CLEC9A: variants seen among roughly 807,000 people sequenced by gnomAD.
CLEC9A encodes the protein C-type lectin domain containing 9A, also known as C-type lectin domain family 9 member A.
A neutral mutation model predicts 30.0 loss-of-function variants in CLEC9A; 24 were observed. The ratio of observed to expected loss-of-function variants is 0.80; its 90% CI spans 0.58 to 1.13. The LOEUF (loss-of-function observed/expected upper bound fraction) is 1.13, where lower values mean the gene tolerates loss of function less well. Among genes scored for constraint, CLEC9A ranks in the 50% most tolerant of loss-of-function variants. CLEC9A has a pLI of 0.00. For synonymous variants in CLEC9A, 111 were observed against 96.8 expected, an observed-to-expected ratio of 1.15 and a Z score of -0.86; for missense variants, 251 against 280.9, an observed-to-expected ratio of 0.89 and a Z score of 0.76.
intron 1 of CLEC9A, among the ~76,000 whole-genome samples, chr12:10,032,023 G>A (rs904242865): frequency 3.3e-5 from 5 of 152,208 alleles, no homozygotes; most frequent in African/African-American, 9.6e-5. Flanking sequence ...CATACCTTAG[G>A]AGGGAATTGC....
In CLEC9A at chr12:10,033,327, GA is replaced by G. The variant is rs574911193; in HGVS notation, c.-318+2357del. On this transcript the variant is annotated intron_variant, in intron 1 of 8. Coordinates refer to ENST00000355819, the MANE Select transcript of CLEC9A (RefSeq NM_207345.4). ...TGAACTAAATTGGATAGTACCCATA[GA>G]ATGGCCAGAATGGGAATTAATCTCT... Among the ~76,000 whole-genome samples the G allele has an allele frequency of 7.2e-4, 109 of 152,044 alleles. 1 individual carries two copies. Among genetic ancestry groups the G allele is most frequent in the African/African-American group, 2.6e-3 (107 of 41,434 alleles).
chr12:10,042,468 C>T (rs557840956), intron 2 of CLEC9A, among the ~76,000 whole-genome samples: 1 of 152,260 alleles, frequency 6.6e-6, no homozygotes, highest in Admixed American at 6.5e-5. Flanking sequence ...TTTAATTTTC[C>T]TACTCATATA....
chr12:10,032,009 A>C (rs1489606739), intron 1 of CLEC9A, among the ~76,000 whole-genome samples: 3 of 152,138 alleles, frequency 2.0e-5, no homozygotes, highest in Non-Finnish European at 4.4e-5. Flanking sequence ...CAGATGCTCA[A>C]TGTCATACCT....
In CLEC9A at chr12:10,052,007, G is replaced by A. The variant is rs567631272; in HGVS notation, c.-146G>A. The A allele has an allele frequency of 6.6e-6, 1 of 152,286 alleles. No individual in the cohort carries two copies. The highest frequency in any genetic ancestry group is 1.5e-5 in the Non-Finnish European group (1 of 68,026). 9.4% of individuals were successfully genotyped at this position (152,286 alleles called of 1,614,324 possible). A position where few individuals can be genotyped will look rare whatever the true frequency, so the allele number is the denominator to read the frequency against. On this transcript the variant is annotated 5_prime_UTR_variant, in exon 3 of 9. Transcript: ENST00000355819. Reference sequence around the variant, plus strand: ...CTTTTCCAGTGGATAGAAGTCAAGGGCTCCAATGTCTCCCAAGACGAAAGA... The same window carrying A: ...CTTTTCCAGTGGATAGAAGTCAAGGACTCCAATGTCTCCCAAGACGAAAGA...
chr12:10,050,872 C>G (rs1020817053), intron 2 of CLEC9A, among the ~76,000 whole-genome samples: 3 of 152,112 alleles, frequency 2.0e-5, no homozygotes, highest in Admixed American at 6.5e-5. Flanking sequence ...CATTAATTTT[C>G]AGATTCGAAT....
At chr12:10,032,304 C>CA (rs1865704759) in intron 1 of CLEC9A, among the ~76,000 whole-genome samples, 1 of 151,512 alleles carries the variant, frequency 6.6e-6, no homozygotes. Flanking sequence ...AACAGAAAAT[C>CA]AACATCCCAA....
At chr12:10,059,457 C>T (rs1865976197) in intron 5 of CLEC9A, among the ~76,000 whole-genome samples, 1 of 152,136 alleles carries the variant, frequency 6.6e-6, no homozygotes, top group Non-Finnish European at 1.5e-5. Flanking sequence ...GAGCATAAAA[C>T]TGTCAAACTT....
intron 1 of CLEC9A, among the ~76,000 whole-genome samples, chr12:10,037,795 T>C (rs75105360): frequency 6.6e-6 from 1 of 152,172 alleles, no homozygotes; most frequent in Non-Finnish European, 1.5e-5. Flanking sequence ...CATGGGACAT[T>C]TTCTTCTGGG....
chr12:10,054,283 T>G lies in CLEC9A; in HGVS notation c.104T>G (p.Leu35Arg), dbSNP rs199849231. Residue 35 changes from leucine (L) to arginine (R), a missense_variant, in exon 5 of 9, where the codon CTT becomes CGT. Leu to Arg is a moderately radical substitution (Grantham distance 102). Transcript: ENST00000355819. ...SSNKCSGACC[L>R]VMVISCVFCM... The stretch of plus-strand genomic sequence containing the variant: ...ATTCTGTGGTTAGGAGCATGCTGTC[T>G]TGTGATGGTGATTTCATGTGTTTTC... 6.2e-7 allele frequency: 1 copy of G among 1,613,078 alleles called. No homozygotes were observed. Among genetic ancestry groups the G allele is most frequent in the East Asian group, 2.2e-5 (1 of 44,820 alleles).
At position 10,064,715 on chromosome 12, in the gene CLEC9A, C is replaced by T; in HGVS notation, c.472-17C>T. ...TGTTTGTTTTTCTCATTTCACAGTT[C>T]AATTTTTGTCTCATAGGATTTTATC... On this transcript the variant is annotated splice_polypyrimidine_tract_variant and intron_variant, in intron 7 of 8. Coordinates refer to ENST00000355819, the MANE Select transcript of CLEC9A (RefSeq NM_207345.4). 1.4e-6 allele frequency: 2 copies of T among 1,452,930 alleles called. No homozygotes were observed. Among genetic ancestry groups the T allele is most frequent in the Non-Finnish European group, 1.8e-6 (2 of 1,103,432 alleles). 90.0% of individuals were successfully genotyped at this position (1,452,930 alleles called of 1,614,324 possible).
In CLEC9A at chr12:10,061,550, A is replaced by C. The variant is rs150719394; in HGVS notation, c.319+277A>C. ...TAGGTCAGATTAAAAAAATACATGC[A>C]CAAAAAAAAATCGTTTTATCCAGCC... On this transcript the variant is annotated intron_variant, in intron 6 of 8. Transcript: ENST00000355819. Among the ~76,000 whole-genome samples the C allele has an allele frequency of 3.9e-5, 6 of 152,258 alleles. No individual in the cohort carries two copies. In the East Asian group the frequency reaches 1.2e-3, roughly 29 times the overall value.
At chr12:10,064,120 A>C (rs1866021586) in intron 7 of CLEC9A, among the ~76,000 whole-genome samples, 2 of 152,206 alleles carry the variant, frequency 1.3e-5, no homozygotes, top group Non-Finnish European at 2.9e-5. Flanking sequence ...TTTTGGCCCT[A>C]TAAAAAATGT....
intron 2 of CLEC9A, among the ~76,000 whole-genome samples, chr12:10,048,363 T>A (rs1303098743): frequency 1.1e-4 from 9 of 82,964 alleles, no homozygotes; most frequent in Middle Eastern, 6.0e-3. Flanking sequence ...AGAGTGAGAT[T>A]CCGAAAAAAA....
At chr12:10,032,445 C>T (rs1354718587) in intron 1 of CLEC9A, among the ~76,000 whole-genome samples, 1 of 135,722 alleles carries the variant, frequency 7.4e-6, no homozygotes, top group East Asian at 2.2e-4. Context: ...GGCTGGACTG[C>T]AGTGGCGCAA....
chr12:10,060,601 G>C (rs1865988095), intron 5 of CLEC9A: 1 of 154,716 alleles, frequency 6.5e-6, no homozygotes. Flanking sequence ...GACAGATCCT[G>C]ATGGTAGTGG....
At position 10,063,134 on chromosome 12, in the gene CLEC9A, T is replaced by C. The variant is rs1168373734; in HGVS notation, c.399T>C (p.Ile133=). Residue 133 remains isoleucine, a synonymous_variant, in exon 7 of 9, where the codon ATT becomes ATC. Coordinates refer to ENST00000355819, the MANE Select transcript of CLEC9A (RefSeq NM_207345.4). ...SCYYVSEIWS[I]WHTSQENCLK... ...ACTATGTCTCTGAAATTTGGAGCAT[T>C]TGGCACACCAGTCAAGAGAATTGTT... is the stretch of plus-strand genomic sequence containing the variant. The C allele has an allele frequency of 1.2e-6, 2 of 1,612,674 alleles. No homozygotes were observed. Among genetic ancestry groups the C allele is most frequent in the South Asian group, 2.2e-5 (2 of 90,862 alleles).
intron 5 of CLEC9A, 25 bp from the exon 6 acceptor site, chr12:10,061,102 T>A (rs765853178): frequency 4.4e-6 from 7 of 1,601,670 alleles, no homozygotes; most frequent in South Asian, 3.4e-5. Flanking sequence ...AGGATTTTAT[T>A]AGGAATGATT....
chr12:10,052,437 T>G (rs957682287), intron 3 of CLEC9A, 193 bp from the exon 4 acceptor site: 3 of 1,084,292 alleles, frequency 2.8e-6, no homozygotes, highest in Admixed American at 3.9e-5. Flanking sequence ...AAATGTTCTA[T>G]CATTGGCCAT....
chr12:10,032,924 A>C (rs764767717), intron 1 of CLEC9A, among the ~76,000 whole-genome samples: 5 of 152,048 alleles, frequency 3.3e-5, no homozygotes, highest in Admixed American at 6.6e-5. Flanking sequence ...AATGTTCAAA[A>C]ATCTCTCTGT....
Sources: allele counts gnomAD v4.1 joint callset (sites outside exome capture counted in the v4.1 genomes callset), GRCh38; gene constraint gnomAD v4.1.1; transcripts MANE v1.5; gene names NCBI Gene and HGNC (gene_info 2026-07-23, HGNC 2026-07-21).